GMPPB: variants seen among roughly 807,000 people sequenced by gnomAD.
The protein encoded by GMPPB is mannose-1-phosphate guanylyltransferase catalytic subunit beta.
Under a neutral mutation model 40.3 loss-of-function variants are expected in GMPPB, and 38 were observed. That is an observed-to-expected ratio of 0.94 (90% CI 0.73 to 1.24). GMPPB has a LOEUF of 1.24. Ranked by LOEUF, GMPPB falls within the 50% of genes most tolerant of loss-of-function variation. GMPPB has a pLI of 0.00. For synonymous variants in GMPPB, 193 were observed against 191.8 expected (o/e 1.01, Z -0.05); for missense variants, 436 against 487.1 (o/e 0.90, Z 0.99).
chr3:49,721,936 T>TA, intron 8 of GMPPB, 29 bp downstream of exon 8: 1 of 1,585,004 alleles, frequency 6.3e-7, no homozygotes. Flanking sequence ...CCCGCCCCTC[T>TA]CCCCACCCAG....
In GMPPB at chr3:49,722,036, C is replaced by G; in HGVS notation, c.880G>C (p.Asp294His). The G allele has an allele frequency of 2.5e-6, 4 of 1,613,308 alleles. No individual in the cohort carries two copies. Among genetic ancestry groups the G allele is most frequent in the Non-Finnish European group, 3.4e-6 (4 of 1,179,938 alleles). ...CAGGAATGGGAACGGATCCGGGCAT[C>G]CCGCAGCACCGTGCACCGCCGGATA... ...VCIRRCTVLR[D>H]ARIRSHSWLE... is the part of the protein sequence containing the mutation. Residue 294 changes from aspartate (D) to histidine (H), a missense_variant, in exon 8 of 9, where the codon GAT becomes CAT. Asp to His is a moderately conservative substitution (Grantham distance 81, BLOSUM62 -1). Transcript: ENST00000308388.
In GMPPB at chr3:49,722,499, C is replaced by G; in HGVS notation, c.573G>C (p.Thr191=). 6.2e-7 allele frequency: 1 copy of G among 1,614,196 alleles called. No individual in the cohort carries two copies. Among genetic ancestry groups the G allele is most frequent in the Non-Finnish European group, 8.5e-7 (1 of 1,180,032 alleles). The change falls in exon 6 of 9, where the codon ACG becomes ACC. Residue 191 remains threonine, a synonymous_variant. Coordinates refer to ENST00000308388, the MANE Select transcript of GMPPB (RefSeq NM_021971.4). The part of the protein sequence containing the change: ...AVLQRIQLQP[T]SIEKEVFPIM... ...TGGGGAAGACCTCCTTCTCAATGGACGTAGGCTGCAGCTGTGGGAGTGGGC... is the reference window on the plus strand; with the variant it reads ...TGGGGAAGACCTCCTTCTCAATGGAGGTAGGCTGCAGCTGTGGGAGTGGGC...
In GMPPB at chr3:49,723,926, G is replaced by T. The variant is rs985114315; in HGVS notation, c.-200C>A. On this transcript the variant is annotated 5_prime_UTR_variant, in exon 1 of 9. Transcript: ENST00000308388. ...CGCCACAACACAGAACGCGACACCGGGTAGACGGCTGCTGGCCCCGAACTC... is the reference window on the plus strand; with the variant it reads ...CGCCACAACACAGAACGCGACACCGTGTAGACGGCTGCTGGCCCCGAACTC... 2 of 522,160 alleles carry T rather than the reference G, an allele frequency of 3.8e-6. No individual in the cohort carries two copies. Among genetic ancestry groups the T allele is most frequent in the Non-Finnish European group, 6.5e-6 (2 of 308,710 alleles). The allele number at this position is 522,160 out of a possible 1,614,324, so 32.3% of individuals were successfully genotyped here.
In GMPPB at chr3:49,722,602, G is replaced by A; in HGVS notation, c.555C>T (p.Arg185=). 6.2e-7 allele frequency: 1 copy of A among 1,613,930 alleles called. No homozygotes were observed. The highest frequency in any genetic ancestry group is 2.2e-5 in the East Asian group (1 of 44,886). Residue 185 remains arginine, a synonymous_variant, in exon 5 of 9, where the codon CGC becomes CGT. Transcript: ENST00000308388. ...MYILSPAVLQ[R]IQLQPTSIEK... ...ACAGCTGTCTCCTACACACCTGGAT[G>A]CGCTGCAGCACTGCAGGGCTCAGGA...
Position 49,720,594 on chromosome 3 carries a change from C to A in GMPPB, c.*1158G>T. ...TGCTATCTCCTGGGACAGCCAGAGC[C>A]CCCAGCACCTGGCACTGCTCTGCCA... On this transcript the variant is annotated 3_prime_UTR_variant, in exon 9 of 9. Transcript: ENST00000308388. The A allele has an allele frequency of 6.2e-7, 1 of 1,611,686 alleles. No individual in the cohort carries two copies. The highest frequency in any genetic ancestry group is 8.5e-7 in the Non-Finnish European group (1 of 1,178,548).
rs374264592 is a variant in GMPPB, at chr3:49,722,463, C to T, written c.609G>A (p.Lys203=). Reference sequence around the variant, plus strand: ...ACTCCATGGCATATAGCTGCCCCTCCTTGGCCATAATGGGGAAGACCTCCT... The same window carrying T: ...ACTCCATGGCATATAGCTGCCCCTCTTTGGCCATAATGGGGAAGACCTCCT... ...IEKEVFPIMA[K]EGQLYAMELQ... The change falls in exon 6 of 9, where the codon AAG becomes AAA. Residue 203 remains lysine (K), a synonymous_variant. Coordinates refer to ENST00000308388, the MANE Select transcript of GMPPB (RefSeq NM_021971.4). 2 of 1,614,094 alleles carry T rather than the reference C, an allele frequency of 1.2e-6. No homozygotes were observed. The highest frequency in any genetic ancestry group is 1.3e-5 in the African/African-American group (1 of 74,934).
chr3:49,722,665 C>G lies in GMPPB; in HGVS notation c.492G>C (p.Gln164His), dbSNP rs1293899834. 2 of 1,614,058 alleles carry G rather than the reference C, an allele frequency of 1.2e-6. No homozygotes were observed. The highest frequency in any genetic ancestry group is 8.5e-7 in the Non-Finnish European group (1 of 1,180,042). Reference protein sequence around the residue: ...GRIHRFVEKPQVFVSNKINAG... With the variant: ...GRIHRFVEKPHVFVSNKINAG... ...CGTTGATCTTATTGGACACAAACAC[C>G]TGTGGCTTCTCCACGAACCGGTGAA... is the stretch of plus-strand genomic sequence containing the variant. Residue 164 changes from glutamine to histidine, a missense_variant, in exon 5 of 9, where the codon CAG (glutamine) becomes CAC (histidine). Physicochemically the swap from Gln to His is conservative, Grantham distance 24. Transcript: ENST00000308388.
chr3:49,721,618 G>A lies in GMPPB; in HGVS notation c.*134C>T, dbSNP rs1253312196. ...CAGATGATGTCCACATGAGAAGGCA[G>A]GTGTCCAACAGCTTCAGCTTCACCC... is the stretch of plus-strand genomic sequence containing the variant. On this transcript the variant is annotated 3_prime_UTR_variant, in exon 9 of 9. Coordinates refer to ENST00000308388, the MANE Select transcript of GMPPB (RefSeq NM_021971.4). 3.3e-6 allele frequency: 3 copies of A among 905,178 alleles called. No individual in the cohort carries two copies. The Admixed American group carries it at 6.1e-5, about 18-fold the overall frequency. The allele number at this position is 905,178 out of a possible 1,614,324, so 56.1% of individuals were successfully genotyped here.
chr3:49,721,346 C>G lies in GMPPB; in HGVS notation c.*406G>C, dbSNP rs758714142. On this transcript the variant is annotated 3_prime_UTR_variant, in exon 9 of 9. Coordinates refer to ENST00000308388, the MANE Select transcript of GMPPB (RefSeq NM_021971.4). The stretch of plus-strand genomic sequence containing the variant: ...CCATCCTGGAACCTCCACCTTTGAA[C>G]CCAGAGCCAGGCTGGGCCCTATTTA... 1 of 1,613,978 alleles carries G rather than the reference C, an allele frequency of 6.2e-7. No individual in the cohort carries two copies. The highest frequency in any genetic ancestry group is 1.1e-5 in the South Asian group (1 of 91,058).
chr3:49,722,800 G>A, intron 4 of GMPPB, 46 bp from the exon 5 acceptor site: 1 of 1,580,720 alleles, frequency 6.3e-7, no homozygotes, highest in Non-Finnish European at 8.6e-7. Context: ...GTGTTCCTAA[G>A]CCTTGATACA....
chr3:49,720,593 C>G lies in GMPPB; in HGVS notation c.*1159G>C. On this transcript the variant is annotated 3_prime_UTR_variant, in exon 9 of 9. Coordinates refer to ENST00000308388, the MANE Select transcript of GMPPB (RefSeq NM_021971.4). ...ATGCTATCTCCTGGGACAGCCAGAG[C>G]CCCCAGCACCTGGCACTGCTCTGCC... 6.2e-7 allele frequency: 1 copy of G among 1,611,198 alleles called. No homozygotes were observed. The highest frequency in any genetic ancestry group is 8.5e-7 in the Non-Finnish European group (1 of 1,178,316).
Position 49,721,765 on chromosome 3 carries a change from C to T in GMPPB, c.1070G>A (p.Arg357His), listed in dbSNP as rs771861177. The T allele has an allele frequency of 8.7e-6, 14 of 1,603,052 alleles. No homozygotes were observed. In the Admixed American group the frequency reaches 1.2e-4, roughly 13 times the overall value. Residue 357 changes from arginine to histidine, a missense_variant, in exon 9 of 9, where the codon CGT becomes CAT. Arg to His is a conservative substitution (Grantham distance 29). Transcript: ENST00000308388. ...CACTGCATCCCCTCACATGATGATA[C>T]GAGGCTCTGGCACTGACTCGCCAAT... ...KSIGESVPEP[R>H]IIM
chr3:49,722,954 GAA>G lies in GMPPB; in HGVS notation c.402+16_402+17del. The G allele has an allele frequency of 6.2e-7, 1 of 1,611,880 alleles. No homozygotes were observed. The highest frequency in any genetic ancestry group is 8.5e-7 in the Non-Finnish European group (1 of 1,178,952). On this transcript the variant is annotated intron_variant, in intron 4 of 8. Coordinates refer to ENST00000308388, the MANE Select transcript of GMPPB (RefSeq NM_021971.4). ...TGGAGGGTGAAAGTGTCAAGAGAGA[GAA>G]GACCTGGCGCCTTACCAGGATGGAG...
rs764575305 is a variant in GMPPB at position 49,721,905 on chromosome 3, G to T, written c.952-22C>A. ...GTACCTCCAGGAGAGGATAGGCCTT[G>T]TCAGGGAGGCAGGCACACTCCCCGC... is the stretch of plus-strand genomic sequence containing the variant. On this transcript the variant is annotated intron_variant, in intron 8 of 8. Coordinates refer to ENST00000308388, the MANE Select transcript of GMPPB (RefSeq NM_021971.4). The T allele has an allele frequency of 5.6e-6, 9 of 1,613,898 alleles. No homozygotes were observed. Among genetic ancestry groups the T allele is most frequent in the Admixed American group, 3.3e-5 (2 of 60,016 alleles).
Position 49,720,720 on chromosome 3 carries a change from G to A in GMPPB, c.*1032C>T, listed in dbSNP as rs2080385773. On this transcript the variant is annotated 3_prime_UTR_variant, in exon 9 of 9. Transcript: ENST00000308388. ...GGTCGGGTCAGGAGCCTTAAGAACA[G>A]CAAAGTCCTAGGCTGGGAATATTCA... 5.0e-6 allele frequency: 8 copies of A among 1,605,826 alleles called. No homozygotes were observed. The East Asian group carries it at 1.8e-4, about 36-fold the overall frequency.
chr3:49,723,498 G>A lies in GMPPB; in HGVS notation c.130-26C>T, dbSNP rs765840859. The A allele has an allele frequency of 3.7e-6, 6 of 1,612,766 alleles. No homozygotes were observed. In the African/African-American group the frequency reaches 5.3e-5, roughly 14 times the overall value. ...CTGTCAGAACGCAGGCCGACGGGCG[G>A]GCTCAGTCAGAAGGTACGGGAGCCC... On this transcript the variant is annotated intron_variant, in intron 1 of 8. Coordinates refer to ENST00000308388, the MANE Select transcript of GMPPB (RefSeq NM_021971.4).
Position 49,721,451 on chromosome 3 carries a change from G to A in GMPPB, c.*301C>T, listed in dbSNP as rs1212898267. 3.6e-6 allele frequency: 4 copies of A among 1,111,848 alleles called. No individual in the cohort carries two copies. The highest frequency in any genetic ancestry group is 5.5e-6 in the Non-Finnish European group (4 of 727,258). The allele number at this position is 1,111,848 out of a possible 1,614,324, so 68.9% of individuals were successfully genotyped here. On this transcript the variant is annotated 3_prime_UTR_variant, in exon 9 of 9. Coordinates refer to ENST00000308388, the MANE Select transcript of GMPPB (RefSeq NM_021971.4). ...CCTGCCTGTATCCTCATTGGTGGGA[G>A]CCCAGCCATGGCCCTAATTGTGCCT... is the stretch of plus-strand genomic sequence containing the variant.
Position 49,722,739 on chromosome 3 carries a change from C to A in GMPPB, c.418G>T (p.Glu140Ter). ...ACCACCACACCGTACTTGGAGGGTTCCTCCACCTTGGTCACCTGAATGCAA... is the reference window on the plus strand; with the variant it reads ...ACCACCACACCGTACTTGGAGGGTTACTCCACCTTGGTCACCTGAATGCAA... ...EGSILVTKVE[E>*]PSKYGVVVCE... The change falls in exon 5 of 9, where the codon GAA (glutamate) becomes TAA (stop). Residue 140 changes from glutamate (E) to a stop codon, truncating the protein, a stop_gained. Coordinates refer to ENST00000308388, the MANE Select transcript of GMPPB (RefSeq NM_021971.4). LOFTEE classifies it high-confidence loss of function. 6.2e-7 allele frequency: 1 copy of A among 1,612,474 alleles called. No homozygotes were observed. The highest frequency in any genetic ancestry group is 8.5e-7 in the Non-Finnish European group (1 of 1,179,370).
At position 49,721,360 on chromosome 3, in the gene GMPPB, G is replaced by A; in HGVS notation, c.*392C>T. 1 of 1,613,014 alleles carries A rather than the reference G, an allele frequency of 6.2e-7. No individual in the cohort carries two copies. On this transcript the variant is annotated 3_prime_UTR_variant, in exon 9 of 9. Coordinates refer to ENST00000308388, the MANE Select transcript of GMPPB (RefSeq NM_021971.4). ...CCACCTTTGAACCCAGAGCCAGGCT[G>A]GGCCCTATTTATGAGCTCCCTTTGC...
Sources: gnomAD v4.1 joint callset for allele counts on GRCh38, gnomAD v4.1.1 for gene constraint, MANE v1.5 for transcripts, NCBI Gene and HGNC (gene_info 2026-07-23, HGNC 2026-07-21) for gene names.